Variants in SLC14A2 observed in about 807,000 individuals in gnomAD.
SLC14A2 encodes urea transporter 2.
SLC14A2 carries 91 observed loss-of-function variants against 104.6 expected under a neutral mutation model. The observed-to-expected ratio is 0.87, with a 90% CI of 0.73 to 1.04. The LOEUF (loss-of-function observed/expected upper bound fraction) is 1.04. Among genes scored for constraint, SLC14A2 ranks in the 50% least tolerant of loss-of-function variants. The pLI is 0.00. For synonymous variants in SLC14A2, 476 were observed against 466.4 expected (o/e 1.02, Z -0.27); for missense variants, 1,189 against 1,156.0 (o/e 1.03, Z -0.41).
chr18:45,237,387 GTTGAAGGAT>G lies in SLC14A2; in HGVS notation c.-125+24199_-125+24207del, dbSNP rs545550451. On this transcript the variant is annotated intron_variant, in intron 1 of 20. Coordinates refer to the SLC14A2 transcript ENST00000586448. ...GTGAGATATAGATTCTAGGTAAGGA[GTTGAAGGAT>G]TTTGCCCAAGGTCACATGGCTGGAC... 2.6e-5 allele frequency among the ~76,000 whole-genome samples: 4 copies of G among 152,294 alleles called. No homozygotes were observed. The South Asian group carries it at 8.3e-4, about 32-fold the overall frequency.
At chr18:45,385,635 A>G (rs1011796065) in intron 1 of SLC14A2, among the ~76,000 whole-genome samples, 1 of 152,206 alleles carries the variant, frequency 6.6e-6, no homozygotes, top group African/African-American at 2.4e-5. Context: ...GGTTGCCACC[A>G]CTATCTTCCT....
rs566119559 is a variant in SLC14A2, at chr18:45,648,299, G to T, written c.1351+4139G>T. 3.5e-3 allele frequency among the ~76,000 whole-genome samples: 522 copies of T among 147,272 alleles called. 3 individuals are homozygous for T. Among genetic ancestry groups the T allele is most frequent in the African/African-American group, 9.6e-3 (378 of 39,472 alleles). On this transcript the variant is annotated intron_variant, in intron 10 of 19. Coordinates refer to ENST00000255226, the MANE Select transcript of SLC14A2 (RefSeq NM_007163.4). ...GGGCTCACTGCAAGCTCCGCCTCCC[G>T]GGTTCACGCCATTCTCCTGCCTCAG...
chr18:45,199,325 C>T, the SLC14A2 span, among the ~76,000 whole-genome samples: 3 of 152,096 alleles, frequency 2.0e-5, no homozygotes, highest in African/African-American at 7.2e-5. Flanking sequence ...AGACCCTCTT[C>T]CCAATTATTT....
At chr18:45,234,182 G>A (rs558586759) in intron 1 of SLC14A2, among the ~76,000 whole-genome samples, 60 of 152,280 alleles carry the variant, frequency 3.9e-4, no homozygotes, top group Middle Eastern at 3.4e-3. Context: ...CACTGGAATT[G>A]CAGATACACT....
chr18:45,625,706 C>T lies in SLC14A2; in HGVS notation c.174C>T (p.Asp58=). ...EEKDLRSSNE[D]SHIVKIEKLN... Reference sequence around the variant, plus strand: ...AGGATCTCCGGTCTTCCAATGAAGACAGTCACATTGTGAAGATCGAAAAGC... The same window carrying T: ...AGGATCTCCGGTCTTCCAATGAAGATAGTCACATTGTGAAGATCGAAAAGC... Residue 58 remains aspartate, a synonymous_variant, in exon 3 of 20, where the codon GAC becomes GAT. Coordinates refer to ENST00000255226, the MANE Select transcript of SLC14A2 (RefSeq NM_007163.4). 1 of 1,557,700 alleles carries T rather than the reference C, an allele frequency of 6.4e-7. No homozygotes were observed. Among genetic ancestry groups the T allele is most frequent in the Non-Finnish European group, 8.6e-7 (1 of 1,157,866 alleles).
intron 1 of SLC14A2, among the ~76,000 whole-genome samples, chr18:45,225,209 T>C (rs2084102720): frequency 6.6e-6 from 1 of 152,192 alleles, no homozygotes; most frequent in Non-Finnish European, 1.5e-5. Flanking sequence ...TTTCTACATG[T>C]GGCTAGCCAG....
chr18:45,334,973 T>G (rs565963005), intron 1 of SLC14A2, among the ~76,000 whole-genome samples: 2 of 152,228 alleles, frequency 1.3e-5, no homozygotes, highest in Non-Finnish European at 1.5e-5. Context: ...CACAAGAATT[T>G]TGGTGAATGA....
At chr18:45,297,543 C>G (rs1253863610) in intron 1 of SLC14A2, among the ~76,000 whole-genome samples, 3 of 152,206 alleles carry the variant, frequency 2.0e-5, no homozygotes, top group African/African-American at 7.2e-5. Context: ...ACTCCATTAC[C>G]TGCTAGCTAT....
At position 45,682,862 on chromosome 18, in the gene SLC14A2, A is replaced by ATAC; in HGVS notation, c.*343_*344insTAC. 3.9e-6 allele frequency: 1 copy of ATAC among 254,804 alleles called. No homozygotes were observed. Among genetic ancestry groups the ATAC allele is most frequent in the Non-Finnish European group, 7.8e-6 (1 of 127,404 alleles). 15.8% of individuals were successfully genotyped at this position (254,804 alleles called of 1,614,324 possible). A position where few individuals can be genotyped will look rare whatever the true frequency, so the allele number is the denominator to read the frequency against. On this transcript the variant is annotated 3_prime_UTR_variant, in exon 20 of 20. Transcript: ENST00000255226. The stretch of plus-strand genomic sequence containing the variant: ...GTAATCCCAGCACTTTGGGAGGCCG[A>ATAC]GGCGGGTGGATCACGAGGTCAGGAG...
intron 1 of SLC14A2, among the ~76,000 whole-genome samples, chr18:45,276,133 G>A (rs2084699956): frequency 6.6e-6 from 1 of 152,208 alleles, no homozygotes; most frequent in South Asian, 2.1e-4. Context: ...AGTGTGTGAG[G>A]CAGAGAGTAT....
At chr18:45,445,800 A>G (rs915089543) in intron 1 of SLC14A2, among the ~76,000 whole-genome samples, 13 of 152,148 alleles carry the variant, frequency 8.5e-5, no homozygotes, top group Non-Finnish European at 1.8e-4. Context: ...CCTCCCAAAT[A>G]TTATCCCACT....
At chr18:45,507,663 A>G (rs748389438) in intron 2 of SLC14A2, among the ~76,000 whole-genome samples, 17 of 152,196 alleles carry the variant, frequency 1.1e-4, no homozygotes, top group Non-Finnish European at 2.2e-4. Flanking sequence ...TAGGTATCTT[A>G]GGCAGAAAAA....
chr18:45,632,508 C>A lies in SLC14A2; in HGVS notation c.650+30C>A, dbSNP rs1394931373. 3 of 1,609,006 alleles carry A rather than the reference C, an allele frequency of 1.9e-6. No homozygotes were observed. The African/African-American group carries it at 4.0e-5, about 22-fold the overall frequency. On this transcript the variant is annotated intron_variant, in intron 5 of 19. Transcript: ENST00000255226. ...GGCACCTCATTTTTTCTGCTCACAG[C>A]TCCATGGGGCCCCCAAGACACTTGT...
At chr18:45,184,051 G>T in the SLC14A2 span, among the ~76,000 whole-genome samples, 1 of 149,804 alleles carries the variant, frequency 6.7e-6, no homozygotes, top group Admixed American at 6.7e-5. Context: ...ACCATGCCCA[G>T]CCATCAGGGT....
intron 2 of SLC14A2, among the ~76,000 whole-genome samples, chr18:45,532,813 A>T (rs1211947243): frequency 6.6e-6 from 1 of 152,214 alleles, no homozygotes; most frequent in Non-Finnish European, 1.5e-5. Context: ...TTGTCCATTC[A>T]GTATGATATT....
intron 2 of SLC14A2, among the ~76,000 whole-genome samples, chr18:45,596,256 T>C (rs1035563357): frequency 6.6e-6 from 1 of 152,176 alleles, no homozygotes; most frequent in African/African-American, 2.4e-5. Context: ...TTGGAAGCAG[T>C]GGAAATTGGC....
chr18:45,206,827 C>A, the SLC14A2 span, among the ~76,000 whole-genome samples: 1 of 152,110 alleles, frequency 6.6e-6, no homozygotes, highest in Admixed American at 6.5e-5. Flanking sequence ...ATTAACAGAT[C>A]AGCAGTCTAC....
Position 45,644,084 on chromosome 18 carries a change from CA to C in SLC14A2, c.1278del (p.Val427SerfsTer12). 1 of 1,614,226 alleles carries C rather than the reference CA, an allele frequency of 6.2e-7. No homozygotes were observed. The highest frequency in any genetic ancestry group is 8.5e-7 in the Non-Finnish European group (1 of 1,180,024). The part of the protein sequence containing the change: ...NPAIFRLPLS[K>X]VTYPEANRIY... ...CAGCCATCTTCAGACTCCCACTCAGCAAAGTCACCTACCCCGAGGCCAACCG... is the reference window on the plus strand; with the variant it reads ...CAGCCATCTTCAGACTCCCACTCAGCAAGTCACCTACCCCGAGGCCAACCG... On this transcript the variant is annotated frameshift_variant, in exon 10 of 20. Transcript: ENST00000255226. LOFTEE classifies it high-confidence loss of function.
At position 45,291,259 on chromosome 18, in the gene SLC14A2, AT is replaced by A. The variant is rs140604168; in HGVS notation, c.-125+78070del. Reference sequence around the variant, plus strand: ...CTTTAACAGGTTCAGAGCAATTCAAATTGGGAGACTACTTCTCAGAGCGAGT... The same window carrying A: ...CTTTAACAGGTTCAGAGCAATTCAAATGGGAGACTACTTCTCAGAGCGAGT... On this transcript the variant is annotated intron_variant, in intron 1 of 20. Coordinates refer to the SLC14A2 transcript ENST00000586448. Among the ~76,000 whole-genome samples, 172 of 152,310 alleles carry A rather than the reference AT, an allele frequency of 1.1e-3. 1 individual carries two copies. The highest frequency in any genetic ancestry group is 3.9e-3 in the African/African-American group (162 of 41,584).
Sources: gnomAD v4.1 joint callset for allele counts (sites outside exome capture counted in the v4.1 genomes callset) on GRCh38, gnomAD v4.1.1 for gene constraint, MANE v1.5 for transcripts, NCBI Gene and HGNC (gene_info 2026-07-23, HGNC 2026-07-21) for gene names.